MROH2A: variants seen among roughly 807,000 people sequenced by gnomAD.
MROH2A encodes the protein maestro heat-like repeat-containing protein family member 2A.
MROH2A carries 174 observed loss-of-function variants against 200.4 expected under a neutral mutation model. The ratio of observed to expected loss-of-function variants is 0.87; its 90% CI spans 0.77 to 0.98. MROH2A has a LOEUF of 0.98. Ranked by LOEUF, MROH2A falls within the 50% of genes least tolerant of loss-of-function variation. The pLI is 0.00. For synonymous variants in MROH2A, 829 were observed against 840.4 expected (o/e 0.99, Z 0.23); for missense variants, 2,045 against 2,139.6 (o/e 0.96, Z 0.87).
At chr2:233,804,009 G>C in intron 16 of MROH2A, 42 bp from the exon 17 acceptor site, 1 of 1,540,530 alleles carries the variant, frequency 6.5e-7, no homozygotes, top group South Asian at 1.2e-5. Flanking sequence ...CAAGGAGCAA[G>C]GTGCTCAGGT....
At chr2:233,787,972 C>T (rs1263468106) in intron 3 of MROH2A, among the ~76,000 whole-genome samples, 5 of 40,298 alleles carry the variant, frequency 1.2e-4, no homozygotes, top group Admixed American at 4.4e-4. Context: ...ATTATATATA[C>T]ATATATATTA....
chr2:233,796,731 G>A (rs562759133), intron 11 of MROH2A, among the ~76,000 whole-genome samples: 14 of 152,114 alleles, frequency 9.2e-5, no homozygotes, highest in Non-Finnish European at 1.8e-4. Flanking sequence ...CCTAACCAAG[G>A]CACTAGCTCA....
chr2:233,799,098 C>G (rs539854146), intron 12 of MROH2A, among the ~76,000 whole-genome samples: 2 of 152,072 alleles, frequency 1.3e-5, no homozygotes, highest in Non-Finnish European at 2.9e-5. Flanking sequence ...CAACAGAGGC[C>G]GAGTAAATCC....
At chr2:233,826,666 A>G (rs1360883440) in intron 35 of MROH2A, among the ~76,000 whole-genome samples, 2 of 152,224 alleles carry the variant, frequency 1.3e-5, no homozygotes, top group African/African-American at 2.4e-5. Flanking sequence ...GCATGGACAA[A>G]CATTTCATGA....
At position 233,822,689 on chromosome 2, in the gene MROH2A, T is replaced by A. The variant is rs545737122; in HGVS notation, c.3866+133T>A. 7.8e-4 allele frequency: 906 copies of A among 1,166,108 alleles called. 1 individual carries two copies. The highest frequency in any genetic ancestry group is 1.0e-3 in the Non-Finnish European group (830 of 830,172). 72.2% of individuals were successfully genotyped at this position (1,166,108 alleles called of 1,614,324 possible). A position where few individuals can be genotyped will look rare whatever the true frequency, so the allele number is the denominator to read the frequency against. On this transcript the variant is annotated intron_variant, in intron 33 of 41. Coordinates refer to ENST00000389758, the MANE Select transcript of MROH2A (RefSeq NM_001394639.1). ...TGGTGGGATCTGATCTTACTCAAAATGCCGTTCTCATGTGTGTCAAGCACG... is the reference window on the plus strand; with the variant it reads ...TGGTGGGATCTGATCTTACTCAAAAAGCCGTTCTCATGTGTGTCAAGCACG...
chr2:233,779,454 T>C lies in MROH2A; in HGVS notation c.94+2T>C. The C allele has an allele frequency of 1.3e-6, 2 of 1,546,218 alleles. No homozygotes were observed. Among genetic ancestry groups the C allele is most frequent in the Non-Finnish European group, 1.7e-6 (2 of 1,143,276 alleles). ...GGCCTCTTGAATTACATGACAGTGGTAAGAATGTCATCCACATTTCTGCTT... is the reference window on the plus strand; with the variant it reads ...GGCCTCTTGAATTACATGACAGTGGCAAGAATGTCATCCACATTTCTGCTT... On this transcript the variant is annotated splice_donor_variant, in intron 2 of 41. Transcript: ENST00000389758. LOFTEE classifies it high-confidence loss of function.
Position 233,798,840 on chromosome 2 carries a change from C to T in MROH2A, c.1319C>T (p.Thr440Ile). 1 of 1,550,304 alleles carries T rather than the reference C, an allele frequency of 6.5e-7. No homozygotes were observed. The highest frequency in any genetic ancestry group is 2.0e-5 in the Admixed American group (1 of 51,002). The change falls in exon 12 of 42, where the codon ACC (threonine) becomes ATC (isoleucine). Residue 440 changes from threonine to isoleucine, a missense_variant. By Grantham distance (89) the Thr-to-Ile change is moderately conservative (BLOSUM62 -1). Coordinates refer to ENST00000389758, the MANE Select transcript of MROH2A (RefSeq NM_001394639.1). The stretch of plus-strand genomic sequence containing the variant: ...GTAGTCAAGAACACCATCTCTGATA[C>T]CCGGTCCAAGGTAACAGGGCAGAGA... Reference protein sequence around the residue: ...IRVVKNTISDTRSKVRMAILH... With the variant: ...IRVVKNTISDIRSKVRMAILH...
intron 7 of MROH2A, 147 bp downstream of exon 7, chr2:233,793,971 G>T: frequency 1.3e-6 from 1 of 780,516 alleles, no homozygotes; most frequent in Non-Finnish European, 1.9e-6. Context: ...GCAGAGCCGG[G>T]GAACTCATGG....
intron 8 of MROH2A, among the ~76,000 whole-genome samples, chr2:233,794,886 T>C (rs1057247157): frequency 5.9e-5 from 9 of 152,298 alleles, no homozygotes; most frequent in Admixed American, 1.3e-4. Flanking sequence ...AGGGCTGTGC[T>C]CCTTCTGAAG....
chr2:233,811,003 G>C, intron 23 of MROH2A, 87 bp downstream of exon 23: 1 of 1,449,674 alleles, frequency 6.9e-7, no homozygotes, highest in Non-Finnish European at 9.3e-7. Context: ...GTTCCTGAGG[G>C]CATCTGCAGA....
chr2:233,833,116 C>A (rs1485267762), intron 41 of MROH2A, 22 bp from the exon 42 acceptor site: 7 of 1,526,992 alleles, frequency 4.6e-6, no homozygotes, highest in Non-Finnish European at 6.2e-6. Context: ...CCTGAACCTT[C>A]CCTCTTTGTG....
intron 3 of MROH2A, among the ~76,000 whole-genome samples, 191 bp downstream of exon 3, chr2:233,780,043 C>T (rs1311354518): frequency 2.6e-5 from 4 of 152,202 alleles, no homozygotes; most frequent in African/African-American, 9.7e-5. Context: ...TTAAAAGTTC[C>T]CTTGTCTTCT....
At chr2:233,804,369 G>C in intron 17 of MROH2A, 126 bp from the exon 18 acceptor site, 1 of 1,303,026 alleles carries the variant, frequency 7.7e-7, no homozygotes. Flanking sequence ...GCAATGCAAC[G>C]TGTGATGTGT....
intron 3 of MROH2A, among the ~76,000 whole-genome samples, chr2:233,787,354 C>A (rs984709225): frequency 6.7e-6 from 1 of 148,700 alleles, no homozygotes; most frequent in African/African-American, 2.5e-5. Flanking sequence ...AAAACTAGTT[C>A]TTGGGGGACA....
chr2:233,808,108 C>T (rs1461813393), intron 21 of MROH2A, among the ~76,000 whole-genome samples: 1 of 152,210 alleles, frequency 6.6e-6, no homozygotes, highest in Non-Finnish European at 1.5e-5. Flanking sequence ...CCTTGCTACT[C>T]ATGGTGGGGT....
At chr2:233,777,814 C>T (rs1185999687), upstream of MROH2A, among the ~76,000 whole-genome samples, 1 of 152,234 alleles carries the variant, frequency 6.6e-6, no homozygotes, top group Admixed American at 6.5e-5. Flanking sequence ...GATCATCTCT[C>T]CTAGCTATAA....
intron 3 of MROH2A, among the ~76,000 whole-genome samples, chr2:233,789,273 C>T (rs970927618): frequency 6.6e-6 from 1 of 152,106 alleles, no homozygotes; most frequent in Non-Finnish European, 1.5e-5. Context: ...TTACTGAAAT[C>T]GGGCAGGAAT....
chr2:233,813,812 C>A, intron 25 of MROH2A, 34 bp downstream of exon 25: 1 of 1,273,536 alleles, frequency 7.9e-7, no homozygotes, highest in South Asian at 1.3e-5. Flanking sequence ...TTTGCTGGGT[C>A]AGGACCTGGG....
chr2:233,793,596 G>A (rs1701922192), intron 6 of MROH2A, 77 bp from the exon 7 acceptor site: 1 of 1,298,702 alleles, frequency 7.7e-7, no homozygotes, highest in Admixed American at 3.9e-5. Context: ...CTTCCACTCG[G>A]GAAGCTGGGC....
Sources: allele counts gnomAD v4.1 joint callset (sites outside exome capture counted in the v4.1 genomes callset), GRCh38; gene constraint gnomAD v4.1.1; transcripts MANE v1.5; gene names NCBI Gene and HGNC (gene_info 2026-07-23, HGNC 2026-07-21).